GSG1L: variants seen among roughly 807,000 people sequenced by gnomAD.
GSG1L encodes germ cell-specific gene 1-like protein.
GSG1L carries 24 observed loss-of-function variants against 42.1 expected under a neutral mutation model. That is an observed-to-expected ratio of 0.57 (90% CI 0.41 to 0.80). The LOEUF (loss-of-function observed/expected upper bound fraction) is 0.80. Among genes scored for constraint, GSG1L ranks in the 30% least tolerant of loss-of-function variants. The pLI is 0.00. For synonymous variants in GSG1L, 215 were observed against 203.5 expected, an observed-to-expected ratio of 1.06 and a Z score of -0.48; for missense variants, 445 against 472.2, an observed-to-expected ratio of 0.94 and a Z score of 0.53.
intron 6 of GSG1L, among the ~76,000 whole-genome samples, chr16:27,807,096 T>C (rs916644552): frequency 4.6e-5 from 7 of 152,246 alleles, no homozygotes; most frequent in Admixed American, 2.6e-4. Flanking sequence ...TGAATGCATC[T>C]AAGCTGCCAA....
chr16:27,861,369 C>T (rs1178383285), intron 3 of GSG1L, among the ~76,000 whole-genome samples: 1 of 151,164 alleles, frequency 6.6e-6, no homozygotes, highest in Non-Finnish European at 1.5e-5. Context: ...AGTGAGACTC[C>T]ATTTCAAAAA....
At chr16:27,903,486 C>T (rs980846979) in intron 2 of GSG1L, among the ~76,000 whole-genome samples, 1 of 152,166 alleles carries the variant, frequency 6.6e-6, no homozygotes, top group South Asian at 2.1e-4. Context: ...CCCTGCGGAC[C>T]CCGGGTCACT....
At position 27,923,369 on chromosome 16, in the gene GSG1L, T is replaced by C. The variant is rs143579693; in HGVS notation, c.398-38731A>G. Among the ~76,000 whole-genome samples, 907 of 152,318 alleles carry C rather than the reference T, an allele frequency of 6.0e-3. 8 individuals are homozygous for C. Among genetic ancestry groups the C allele is most frequent in the African/African-American group, 0.021 (853 of 41,566 alleles). On this transcript the variant is annotated intron_variant, in intron 2 of 6. Transcript: ENST00000447459. ...GCCCAAACACCTTTTGTCAAAGTCC[T>C]GTCCCTGGGGCACCCACATGCTAAG...
At chr16:27,889,714 T>C (rs2084101588) in intron 2 of GSG1L, among the ~76,000 whole-genome samples, 1 of 152,202 alleles carries the variant, frequency 6.6e-6, no homozygotes, top group Non-Finnish European at 1.5e-5. Flanking sequence ...CAGACTGGCC[T>C]GACAGCACCC....
chr16:27,915,440 C>T (rs548442076), intron 2 of GSG1L, among the ~76,000 whole-genome samples: 90 of 152,236 alleles, frequency 5.9e-4, no homozygotes, highest in East Asian at 2.1e-3. Flanking sequence ...CAGGGCAGGG[C>T]GCTGAGCAAG....
chr16:27,996,586 C>T (rs2085516801), intron 1 of GSG1L, among the ~76,000 whole-genome samples: 1 of 152,178 alleles, frequency 6.6e-6, no homozygotes, highest in Admixed American at 6.5e-5. Flanking sequence ...GGGGACCTCA[C>T]TGAAGTTTGA....
At chr16:27,940,048 G>A (rs190952128) in intron 2 of GSG1L, among the ~76,000 whole-genome samples, 5 of 152,180 alleles carry the variant, frequency 3.3e-5, no homozygotes, top group East Asian at 1.9e-4. Flanking sequence ...GCAAGGATAC[G>A]AACAGACACT....
At chr16:28,024,952 T>A (rs763847787) in intron 1 of GSG1L, among the ~76,000 whole-genome samples, 14 of 152,146 alleles carry the variant, frequency 9.2e-5, no homozygotes, top group Non-Finnish European at 1.3e-4. Context: ...GCCCAGCACA[T>A]AATAGGTGCT....
intron 2 of GSG1L, among the ~76,000 whole-genome samples, chr16:27,909,591 G>A (rs112443204): frequency 0.013 from 1,879 of 148,138 alleles, 48 homozygotes; most frequent in African/African-American, 0.043. Context: ...GGGAGAAGGC[G>A]AAGGAACTAA....
intron 3 of GSG1L, among the ~76,000 whole-genome samples, chr16:27,856,338 G>A (rs957766648): frequency 6.6e-6 from 1 of 152,088 alleles, no homozygotes; most frequent in African/African-American, 2.4e-5. Context: ...TTTTCAGGAA[G>A]GGTCTTGCTC....
chr16:27,884,448 C>T lies in GSG1L; in HGVS notation c.550+38G>A. 6.3e-7 allele frequency: 1 copy of T among 1,593,088 alleles called. No homozygotes were observed. The highest frequency in any genetic ancestry group is 8.6e-7 in the Non-Finnish European group (1 of 1,167,436). ...CTCCAAGGGCAGCACCCTTTCTCGC[C>T]TGTGCTCTGAGAGGCCACAGGACCA... On this transcript the variant is annotated intron_variant, in intron 3 of 6. Transcript: ENST00000447459. This position sits in a 1 kb window ranked among gnomAD's most constrained non-coding sequence, Gnocchi z 4.4.
At chr16:27,947,581 GAAAGAAAGA>G (rs1403659591) in intron 2 of GSG1L, among the ~76,000 whole-genome samples, 2 of 103,922 alleles carry the variant, frequency 1.9e-5, no homozygotes, top group African/African-American at 7.2e-5. Context: ...AAGAAAGAAA[GAAAGAAAGA>G]AAGAAAGAAA....
At chr16:27,814,311 T>C (rs1306277064) in intron 5 of GSG1L, among the ~76,000 whole-genome samples, 1 of 152,182 alleles carries the variant, frequency 6.6e-6, no homozygotes, top group South Asian at 2.1e-4. Flanking sequence ...AGGGTCTCAC[T>C]ATATTGCCCA....
chr16:27,846,956 C>A (rs866793535), intron 3 of GSG1L, among the ~76,000 whole-genome samples: 757 of 113,204 alleles, frequency 6.7e-3, no homozygotes, highest in South Asian at 0.012. Context: ...GACTCCGTCT[C>A]AAAAAAAAAA....
At chr16:27,869,491 T>TTC (rs202144280) in intron 3 of GSG1L, among the ~76,000 whole-genome samples, 3 of 132,236 alleles carry the variant, frequency 2.3e-5, no homozygotes, top group Non-Finnish European at 1.6e-5. Flanking sequence ...CTCTCTCTCC[T>TTC]TCTCTCTCTC....
At position 27,921,715 on chromosome 16, in the gene GSG1L, A is replaced by G. The variant is rs529420546; in HGVS notation, c.398-37077T>C. On this transcript the variant is annotated intron_variant, in intron 2 of 6. Coordinates refer to ENST00000447459, the MANE Select transcript of GSG1L (RefSeq NM_001109763.2). ...GGGGAACTGGCTTGATAGCTTGGATATGCCCTGTATATAACCAGATCTTTG... is the reference window on the plus strand; with the variant it reads ...GGGGAACTGGCTTGATAGCTTGGATGTGCCCTGTATATAACCAGATCTTTG... 2.1e-4 allele frequency among the ~76,000 whole-genome samples: 32 copies of G among 152,324 alleles called. No homozygotes were observed. The South Asian group carries it at 5.0e-3, about 24-fold the overall frequency.
intron 5 of GSG1L, among the ~76,000 whole-genome samples, chr16:27,816,506 C>T (rs2083095843): frequency 6.6e-6 from 1 of 152,204 alleles, no homozygotes; most frequent in Non-Finnish European, 1.5e-5. Context: ...CAGACGTGAA[C>T]AGCACCAGCC....
rs961427515 is a variant in GSG1L, at chr16:28,004,088, C to G, written c.350-40885G>C. On this transcript the variant is annotated intron_variant, in intron 1 of 6. Transcript: ENST00000447459. ...CCACTCAGCCCGAGGCGCCTGTGTG[C>G]ACAGCAGGGTGGAGGGGGCAGGAGA... Among the ~76,000 whole-genome samples the G allele has an allele frequency of 1.2e-3, 176 of 152,288 alleles. 1 individual carries two copies. The highest frequency in any genetic ancestry group is 4.1e-3 in the African/African-American group (170 of 41,564).
At chr16:28,053,621 G>T (rs1020524666) in intron 1 of GSG1L, among the ~76,000 whole-genome samples, 8 of 152,202 alleles carry the variant, frequency 5.3e-5, no homozygotes, top group Non-Finnish European at 1.0e-4. Context: ...GAAGGGCCAC[G>T]TGTGCTGCTA....
Sources: allele counts gnomAD v4.1 joint callset (sites outside exome capture counted in the v4.1 genomes callset), GRCh38; gene constraint gnomAD v4.1.1; non-coding constraint Gnocchi (gnomAD v3.1); transcripts MANE v1.5; gene names NCBI Gene and HGNC (gene_info 2026-07-23, HGNC 2026-07-21).